CHL1: variants seen among roughly 807,000 people sequenced by gnomAD.
CHL1 encodes the protein neural cell adhesion molecule L1-like protein.
In CHL1, 96 loss-of-function variants were observed where a neutral mutation model predicts 141.9. The observed-to-expected ratio is 0.68, with a 90% CI of 0.57 to 0.80. The LOEUF is 0.80. CHL1 is among the 30% of genes least tolerant of loss of function. The pLI, the probability that CHL1 is intolerant of heterozygous loss-of-function variation, is 0.00. For synonymous variants in CHL1, 613 were observed against 502.2 expected (o/e 1.22, Z -2.95); for missense variants, 1,820 against 1,457.2 (o/e 1.25, Z -4.05).
chr3:240,372 T>A (rs1426834917), intron 1 of CHL1, among the ~76,000 whole-genome samples: 1 of 152,212 alleles, frequency 6.6e-6, no homozygotes, highest in Non-Finnish European at 1.5e-5. Context: ...TTTTTTCTTA[T>A]GTTTGTTGGC....
chr3:211,323 G>A (rs1017990029), intron 1 of CHL1, among the ~76,000 whole-genome samples: 1 of 152,204 alleles, frequency 6.6e-6, no homozygotes, highest in African/African-American at 2.4e-5. Flanking sequence ...AAGGAGACTA[G>A]CGTGTGGCTA....
intron 1 of CHL1, among the ~76,000 whole-genome samples, chr3:202,799 G>A (rs768108918): frequency 3.9e-5 from 6 of 152,202 alleles, no homozygotes; most frequent in Non-Finnish European, 8.8e-5. Flanking sequence ...ATTCTCTGAA[G>A]ATCTCAAATG....
chr3:256,072 C>T (rs1694132374), intron 2 of CHL1, among the ~76,000 whole-genome samples: 1 of 131,604 alleles, frequency 7.6e-6, no homozygotes, highest in African/African-American at 2.7e-5. Flanking sequence ...TCAATAATGC[C>T]TTTAGTTCCT....
intron 11 of CHL1, among the ~76,000 whole-genome samples, chr3:357,490 T>G (rs1703822964): frequency 6.6e-6 from 1 of 152,198 alleles, no homozygotes; most frequent in African/African-American, 2.4e-5. Flanking sequence ...TCAGAGAGGT[T>G]ACATTACTTA....
At position 394,738 on chromosome 3, in the gene CHL1, C is replaced by G. The variant is rs137988121; in HGVS notation, c.2960C>G (p.Thr987Arg). The G allele has an allele frequency of 1.7e-5, 27 of 1,613,564 alleles. No homozygotes were observed. The highest frequency in any genetic ancestry group is 1.6e-4 in the African/African-American group (12 of 74,968). ...EIGELNDINITTPSKPSWHLS... is the reference protein window; with the variant it reads ...EIGELNDINIRTPSKPSWHLS... ...GGAGAATTAAATGATATTAACATTA[C>G]AACTCCATCAAAGCCCAGCTGGCAC... is the stretch of plus-strand genomic sequence containing the variant. The change falls in exon 24 of 28, where the codon ACA becomes AGA. Residue 987 changes from threonine (T) to arginine (R), a missense_variant. Thr to Arg is a moderately conservative substitution (Grantham distance 71). Transcript: ENST00000256509.
chr3:314,219 C>A (rs1019582569), intron 2 of CHL1, among the ~76,000 whole-genome samples: 8 of 150,998 alleles, frequency 5.3e-5, no homozygotes, highest in African/African-American at 1.9e-4. Context: ...ACTGAATAAA[C>A]ATTAAAAATG....
intron 5 of CHL1, among the ~76,000 whole-genome samples, chr3:337,574 T>A (rs911520665): frequency 3.3e-5 from 5 of 150,336 alleles, no homozygotes; most frequent in Non-Finnish European, 5.9e-5. Context: ...TGTCCAAGTG[T>A]TCTCATTGTT....
intron 1 of CHL1, among the ~76,000 whole-genome samples, chr3:226,652 G>T (rs1398271763): frequency 6.6e-6 from 1 of 151,766 alleles, no homozygotes. Flanking sequence ...TCACCATGTT[G>T]GCCAGACTGT....
intron 1 of CHL1, among the ~76,000 whole-genome samples, chr3:240,257 C>T (rs1413229013): frequency 1.3e-5 from 2 of 152,096 alleles, no homozygotes; most frequent in Non-Finnish European, 2.9e-5. Flanking sequence ...CCAACATCCA[C>T]TATTTTTTAA....
chr3:285,914 C>A (rs569504218), intron 2 of CHL1, among the ~76,000 whole-genome samples: 1 of 152,122 alleles, frequency 6.6e-6, no homozygotes, highest in Non-Finnish European at 1.5e-5. Context: ...TGTTTCCAGA[C>A]TTGTGATGAC....
chr3:327,392 A>G (rs77707889), intron 4 of CHL1, among the ~76,000 whole-genome samples: 1 of 149,906 alleles, frequency 6.7e-6, no homozygotes, highest in Non-Finnish European at 1.5e-5. Context: ...CTGACACTCT[A>G]GCATACTGGG....
At chr3:198,512 T>C (rs1232760176) in intron 1 of CHL1, among the ~76,000 whole-genome samples, 3 of 152,222 alleles carry the variant, frequency 2.0e-5, no homozygotes, top group African/African-American at 7.2e-5. Flanking sequence ...CACTCTGGAC[T>C]AGGCATTTAA....
intron 27 of CHL1, among the ~76,000 whole-genome samples, chr3:402,006 G>A (rs1407955025): frequency 6.6e-6 from 1 of 152,166 alleles, no homozygotes; most frequent in Non-Finnish European, 1.5e-5. Context: ...TGGCCATTAT[G>A]AACTCGGGTT....
At chr3:403,927 C>T (rs1027257955) in intron 27 of CHL1, among the ~76,000 whole-genome samples, 5 of 152,142 alleles carry the variant, frequency 3.3e-5, no homozygotes, top group South Asian at 2.1e-4. Flanking sequence ...ATTCCTCAGC[C>T]GATGCCTCAT....
chr3:381,759 G>A (rs1324110868), intron 16 of CHL1, among the ~76,000 whole-genome samples: 1 of 152,080 alleles, frequency 6.6e-6, no homozygotes, highest in Non-Finnish European at 1.5e-5. Flanking sequence ...TACAAAAAAT[G>A]ATGGTCAGAA....
intron 27 of CHL1, among the ~76,000 whole-genome samples, chr3:403,413 G>A (rs1446164886): frequency 1.3e-5 from 2 of 152,124 alleles, no homozygotes; most frequent in African/African-American, 4.8e-5. Flanking sequence ...ATGAGGCAAT[G>A]ATCATTAAGG....
intron 2 of CHL1, among the ~76,000 whole-genome samples, chr3:306,110 A>T (rs369451562): frequency 4.3e-4 from 65 of 152,180 alleles, no homozygotes; most frequent in African/African-American, 1.4e-3. Context: ...AAACGAGGAC[A>T]AGATATGAAG....
intron 9 of CHL1, 43 bp downstream of exon 9, chr3:344,752 C>G (rs1331250918): frequency 9.4e-6 from 15 of 1,595,704 alleles, no homozygotes; most frequent in Non-Finnish European, 1.3e-5. Flanking sequence ...CCATCCAGTT[C>G]TGTAAAGAAT....
intron 1 of CHL1, among the ~76,000 whole-genome samples, chr3:228,391 A>T (rs1055223053): frequency 6.6e-6 from 1 of 152,134 alleles, no homozygotes; most frequent in Non-Finnish European, 1.5e-5. Context: ...TAAACTTTGC[A>T]CAACTTTTTA....
Sources: gnomAD v4.1 joint callset for allele counts (sites outside exome capture counted in the v4.1 genomes callset) on GRCh38, gnomAD v4.1.1 for gene constraint, MANE v1.5 for transcripts, NCBI Gene and HGNC (gene_info 2026-07-23, HGNC 2026-07-21) for gene names.